RADIL: variants seen among roughly 807,000 people sequenced by gnomAD.
The protein encoded by RADIL is Rap associating with DIL domain.
A neutral mutation model predicts 97.6 loss-of-function variants in RADIL; 99 were observed. The observed-to-expected ratio is 1.01, with a 90% CI of 0.86 to 1.20. RADIL has a LOEUF of 1.20. RADIL is among the 50% of genes most tolerant of loss of function. RADIL has a pLI of 0.00. For missense variants in RADIL, 1,765 were observed against 1,498.9 expected (o/e 1.18, Z -2.93); for synonymous variants, 803 against 691.8 (o/e 1.16, Z -2.52).
chr7:4,800,260 TGCG>T lies in RADIL; in HGVS notation c.2890_2892del (p.Arg964del). 6.4e-7 allele frequency: 1 copy of T among 1,555,396 alleles called. No individual in the cohort carries two copies. The highest frequency in any genetic ancestry group is 8.7e-7 in the Non-Finnish European group (1 of 1,153,646). ...TAGCAGAAGTCCTCGGTGCTGGAGC[TGCG>T]GCTGGACGGGGCTGGAGGGGACTCC... is the stretch of plus-strand genomic sequence containing the variant. On this transcript the variant is annotated inframe_deletion, in exon 13 of 15. Transcript: ENST00000399583.
chr7:4,827,578 G>C (rs543850354), intron 5 of RADIL, among the ~76,000 whole-genome samples: 4 of 151,878 alleles, frequency 2.6e-5, no homozygotes, highest in East Asian at 1.9e-4. Flanking sequence ...GGAGAATGGC[G>C]TGAACCCAGG....
At chr7:4,800,723 G>A (rs1330156811) in intron 12 of RADIL, among the ~76,000 whole-genome samples, 2 of 152,170 alleles carry the variant, frequency 1.3e-5, no homozygotes, top group African/African-American at 2.4e-5. Flanking sequence ...CCAGGCCCTA[G>A]CCCAGCCCAG....
In RADIL at chr7:4,879,643, G is replaced by A. The variant is rs435692; in HGVS notation, c.-64-1440C>T. Among the ~76,000 whole-genome samples, 2 of 152,138 alleles carry A rather than the reference G, an allele frequency of 1.3e-5. No homozygotes were observed. The highest frequency in any genetic ancestry group is 2.4e-5 in the African/African-American group (1 of 41,414). On this transcript the variant is annotated intron_variant, in intron 1 of 14. Transcript: ENST00000399583. The surrounding 1 kb of genome is among the most constrained non-coding windows in gnomAD (Gnocchi z 4.1). ...GTCACTGTCCAGGCTTGACTCACTC[G>A]TCACGCTGCGGGCGCTGCAAAAGGC...
At chr7:4,806,315 C>T (rs1396331852) in intron 9 of RADIL, among the ~76,000 whole-genome samples, 1 of 151,074 alleles carries the variant, frequency 6.6e-6, no homozygotes, top group Non-Finnish European at 1.5e-5. Context: ...ATGTCCAGCT[C>T]ATTAGTTTTT....
At chr7:4,825,486 G>A (rs964620012) in intron 5 of RADIL, among the ~76,000 whole-genome samples, 1 of 152,160 alleles carries the variant, frequency 6.6e-6, no homozygotes, top group African/African-American at 2.4e-5. Context: ...CCACCCACCT[G>A]GAGAGGTTGT....
At position 4,832,004 on chromosome 7, in the gene RADIL, G is replaced by A. The variant is rs527676422; in HGVS notation, c.1454+137C>T. ...GATGACTAAAGAAGCAAAAAAGGCC[G>A]CTGCTTGGATGGAAGGACAAAGCCC... On this transcript the variant is annotated intron_variant, in intron 5 of 14. Transcript: ENST00000399583. 1.4e-4 allele frequency: 119 copies of A among 880,408 alleles called. No individual in the cohort carries two copies. In the South Asian group the frequency reaches 1.6e-3, roughly 12 times the overall value. 54.5% of individuals were successfully genotyped at this position (880,408 alleles called of 1,614,324 possible).
In RADIL at chr7:4,878,742, G is replaced by A. The variant is rs983557206; in HGVS notation, c.-64-539C>T. On this transcript the variant is annotated intron_variant, in intron 1 of 14. Coordinates refer to ENST00000399583, the MANE Select transcript of RADIL (RefSeq NM_018059.5). This position sits in a 1 kb window ranked among gnomAD's most constrained non-coding sequence, Gnocchi z 4.1. ...TAAGACACGCTCCGCTGCAGGGCTT[G>A]GATTTCTGGAAAGTGCTGGGCGCAG... Among the ~76,000 whole-genome samples, 2 of 152,228 alleles carry A rather than the reference G, an allele frequency of 1.3e-5. No homozygotes were observed. Among genetic ancestry groups the A allele is most frequent in the African/African-American group, 4.8e-5 (2 of 41,460 alleles).
rs373831614 is a variant in RADIL at position 4,859,950 on chromosome 7, T to C, written c.535+17655A>G. ...GTTTCCTGAAGGTCTGGATGGCTTA[T>C]GAGACATGTTGAAGAAACAACTCTG... On this transcript the variant is annotated intron_variant, in intron 2 of 14. Coordinates refer to ENST00000399583, the MANE Select transcript of RADIL (RefSeq NM_018059.5). 90 of 1,613,894 alleles carry C rather than the reference T, an allele frequency of 5.6e-5. 1 individual carries two copies. Among genetic ancestry groups the C allele is most frequent in the African/African-American group, 2.7e-5 (2 of 74,938 alleles).
rs1184927536 is a variant in RADIL at position 4,877,757 on chromosome 7, G to C, written c.383C>G (p.Ala128Gly). The change falls in exon 2 of 15, where the codon GCC (alanine) becomes GGC (glycine). Residue 128 changes from alanine to glycine, a missense_variant. Physicochemically the swap from Ala to Gly is moderately conservative, Grantham distance 60. Transcript: ENST00000399583. ...QAGDAGQRWQ[A>G]RCFRVFGDSE... ...GTCCCCAAACACCCGAAAGCACCGG[G>C]CCTGCCACCGCTGCCCAGCATCGCC... 1.2e-6 allele frequency: 2 copies of C among 1,613,442 alleles called. No homozygotes were observed. The highest frequency in any genetic ancestry group is 8.5e-7 in the Non-Finnish European group (1 of 1,180,016).
At position 4,849,391 on chromosome 7, in the gene RADIL, T is replaced by C. The variant is rs1204779707; in HGVS notation, c.536-12786A>G. On this transcript the variant is annotated intron_variant, in intron 2 of 14. Transcript: ENST00000399583. The surrounding 1 kb of genome is among the most constrained non-coding windows in gnomAD (Gnocchi z 5.4). ...GAATGAATTAATGAATGAATGAACGTTGATGGGATCAATTCCATCAACTCC... is the reference window on the plus strand; with the variant it reads ...GAATGAATTAATGAATGAATGAACGCTGATGGGATCAATTCCATCAACTCC... Among the ~76,000 whole-genome samples the C allele has an allele frequency of 1.3e-5, 2 of 152,204 alleles. No homozygotes were observed. Among genetic ancestry groups the C allele is most frequent in the African/African-American group, 4.8e-5 (2 of 41,452 alleles).
At chr7:4,828,210 C>A (rs1413744636) in intron 5 of RADIL, among the ~76,000 whole-genome samples, 1 of 152,244 alleles carries the variant, frequency 6.6e-6, no homozygotes, top group Non-Finnish European at 1.5e-5. Context: ...GTAATCCCAA[C>A]ACTTTGGGAG....
rs1012259746 is a variant in RADIL at position 4,814,398 on chromosome 7, A to C, written c.2139+880T>G. On this transcript the variant is annotated intron_variant, in intron 9 of 14. Coordinates refer to ENST00000399583, the MANE Select transcript of RADIL (RefSeq NM_018059.5). This position sits in a 1 kb window ranked among gnomAD's most constrained non-coding sequence, Gnocchi z 4.5. Reference sequence around the variant, plus strand: ...CAGTGGCATGATCTCGGCTCACTGCAACCTCTGCCTCGCGGGTTCAAGCGA... The same window carrying C: ...CAGTGGCATGATCTCGGCTCACTGCCACCTCTGCCTCGCGGGTTCAAGCGA... 2.6e-4 allele frequency among the ~76,000 whole-genome samples: 40 copies of C among 152,168 alleles called. No individual in the cohort carries two copies. The highest frequency in any genetic ancestry group is 2.2e-3 in the Admixed American group (34 of 15,274).
At chr7:4,871,951 G>A (rs1055153489) in intron 2 of RADIL, among the ~76,000 whole-genome samples, 3 of 152,118 alleles carry the variant, frequency 2.0e-5, no homozygotes, top group African/African-American at 7.2e-5. Flanking sequence ...TACAAAGTGC[G>A]CATCCAAAGC....
Position 4,799,471 on chromosome 7 carries a change from C to T in RADIL, c.3135G>A (p.Leu1045=), listed in dbSNP as rs769060400. 9 of 1,613,978 alleles carry T rather than the reference C, an allele frequency of 5.6e-6. No individual in the cohort carries two copies. In the East Asian group the frequency reaches 2.0e-4, roughly 36 times the overall value. ...GCATCTTCTTCCCGCCATGACGGAT[C>T]AGGTCCACAGCTCTGAAATCCATGC... ...LGLGYLRAVD[L]IRHGGKKMRF... is the part of the protein sequence containing the mutation. Residue 1045 remains leucine (L), a synonymous_variant, in exon 15 of 15, where the codon CTG becomes CTA. Coordinates refer to ENST00000399583, the MANE Select transcript of RADIL (RefSeq NM_018059.5).
chr7:4,816,756 G>A (rs1782689176), intron 7 of RADIL, among the ~76,000 whole-genome samples: 1 of 152,094 alleles, frequency 6.6e-6, no homozygotes, highest in South Asian at 2.1e-4. Context: ...CGCCTGGGGG[G>A]ATGGGCTCCA....
chr7:4,810,527 C>T (rs114301018), intron 9 of RADIL, among the ~76,000 whole-genome samples: 2,789 of 152,296 alleles, frequency 0.018, 88 homozygotes, highest in African/African-American at 0.063. Flanking sequence ...GAAGAGACTG[C>T]TTTATTCATC....
chr7:4,820,628 G>A (rs1018415477), intron 6 of RADIL, among the ~76,000 whole-genome samples: 2 of 152,182 alleles, frequency 1.3e-5, no homozygotes, highest in East Asian at 1.9e-4. Context: ...AGGGGAGAAG[G>A]AAACAGTGGG....
At chr7:4,881,082 GGAGT>G (rs1234837167) in intron 1 of RADIL, among the ~76,000 whole-genome samples, 1 of 97,414 alleles carries the variant, frequency 1.0e-5, no homozygotes, top group African/African-American at 4.0e-5. Context: ...CCTGGGCAAT[GGAGT>G]GAGACCCTCT....
chr7:4,865,120 C>T (rs1784100184), intron 2 of RADIL, among the ~76,000 whole-genome samples: 1 of 152,216 alleles, frequency 6.6e-6, no homozygotes, highest in African/African-American at 2.4e-5. Flanking sequence ...CCACCGACTG[C>T]CCACTGCTCT....
Sources: gnomAD v4.1 joint callset for allele counts (sites outside exome capture counted in the v4.1 genomes callset) on GRCh38, gnomAD v4.1.1 for gene constraint, Gnocchi (gnomAD v3.1) non-coding constraint, MANE v1.5 for transcripts, NCBI Gene and HGNC (gene_info 2026-07-23, HGNC 2026-07-21) for gene names.